Variants in PPP2R2B observed in about 807,000 individuals in gnomAD.
PPP2R2B encodes the protein serine/threonine-protein phosphatase 2A 55 kDa regulatory subunit B beta isoform.
A neutral mutation model predicts 46.0 loss-of-function variants in PPP2R2B; 5 were observed. The ratio of observed to expected loss-of-function variants is 0.11; its 90% CI spans 0.06 to 0.23. The LOEUF (loss-of-function observed/expected upper bound fraction) is 0.23. Among genes scored for constraint, PPP2R2B ranks in the 10% least tolerant of loss-of-function variants. PPP2R2B has a pLI of 1.00. For missense variants in PPP2R2B, 367 were observed against 575.0 expected (o/e 0.64, Z 3.70); for synonymous variants, 215 against 206.7 (o/e 1.04, Z -0.34).
At chr5:146,830,425 A>G (rs1352068235) in intron 2 of PPP2R2B, among the ~76,000 whole-genome samples, 1 of 152,166 alleles carries the variant, frequency 6.6e-6, no homozygotes, top group Non-Finnish European at 1.5e-5. Flanking sequence ...AGCCCAACCA[A>G]CAGTACCCGA....
intron 4 of PPP2R2B, among the ~76,000 whole-genome samples, chr5:146,695,821 T>C (rs1779143725): frequency 6.6e-6 from 1 of 152,194 alleles, no homozygotes; most frequent in East Asian, 1.9e-4. Context: ...TTGTCTTCCA[T>C]TAACTTTTGC....
At chr5:146,780,267 G>GAATT (rs1169372791) in intron 2 of PPP2R2B, among the ~76,000 whole-genome samples, 1 of 152,184 alleles carries the variant, frequency 6.6e-6, no homozygotes, top group Non-Finnish European at 1.5e-5. Context: ...ATGAGTCAAT[G>GAATT]AATTGATTGT....
chr5:146,714,961 A>G (rs1220787522), intron 2 of PPP2R2B, among the ~76,000 whole-genome samples: 3 of 152,112 alleles, frequency 2.0e-5, no homozygotes, highest in African/African-American at 7.2e-5. Context: ...CTATCTGCCT[A>G]CCAGGCAGAA....
chr5:146,706,788 C>T, intron 2 of PPP2R2B: 3 of 834,660 alleles, frequency 3.6e-6, no homozygotes, highest in Non-Finnish European at 6.3e-6. Flanking sequence ...CTCTCGGCCT[C>T]AGCCCGACTG....
chr5:146,972,743 A>T (rs1290441170), intron 1 of PPP2R2B, among the ~76,000 whole-genome samples: 1 of 152,000 alleles, frequency 6.6e-6, no homozygotes, highest in Non-Finnish European at 1.5e-5. Flanking sequence ...AAATAGGGAA[A>T]TCTTAGTGTA....
chr5:147,047,868 G>A (rs1756615095), intron 1 of PPP2R2B, among the ~76,000 whole-genome samples: 1 of 152,082 alleles, frequency 6.6e-6, no homozygotes, highest in Non-Finnish European at 1.5e-5. Flanking sequence ...TTCACCAAAA[G>A]TAACCTCTTT....
rs116147254 is a variant in PPP2R2B, at chr5:146,801,939, A to C, written c.70+76063T>G. 5.3e-3 allele frequency among the ~76,000 whole-genome samples: 812 copies of C among 152,340 alleles called. 9 individuals carry two copies. The highest frequency in any genetic ancestry group is 0.018 in the African/African-American group (764 of 41,578). On this transcript the variant is annotated intron_variant, in intron 2 of 9. Coordinates refer to ENST00000394411, the MANE Select transcript of PPP2R2B (RefSeq NM_181675.4). ...ACTTAACCATGCTGGAATGAAAGGG[A>C]GGAGCAGCTGCATGTGTCTGTCATT...
chr5:146,910,091 C>T (rs1763126760), intron 1 of PPP2R2B, among the ~76,000 whole-genome samples: 1 of 152,170 alleles, frequency 6.6e-6, no homozygotes, highest in South Asian at 2.1e-4. Flanking sequence ...GGGATGGATT[C>T]TACAACTTAT....
intron 2 of PPP2R2B, among the ~76,000 whole-genome samples, chr5:147,066,919 C>T (rs1757430377): frequency 6.6e-6 from 1 of 152,110 alleles, no homozygotes; most frequent in South Asian, 2.1e-4. Flanking sequence ...AAGACCACAC[C>T]AAGGCCCTTG....
intron 2 of PPP2R2B, among the ~76,000 whole-genome samples, chr5:146,795,453 G>C (rs980552617): frequency 1.3e-5 from 2 of 152,088 alleles, no homozygotes; most frequent in Non-Finnish European, 2.9e-5. Flanking sequence ...AATACTGCAT[G>C]ATCTCACTTA....
At chr5:146,778,440 T>A (rs1235743749) in intron 2 of PPP2R2B, among the ~76,000 whole-genome samples, 2 of 152,172 alleles carry the variant, frequency 1.3e-5, no homozygotes, top group East Asian at 3.9e-4. Context: ...TTTCCACACA[T>A]GCTGTCAACC....
intron 2 of PPP2R2B, among the ~76,000 whole-genome samples, chr5:146,723,170 ACTATATT>A (rs1751634629): frequency 6.6e-6 from 1 of 152,206 alleles, no homozygotes; most frequent in Admixed American, 6.5e-5. Context: ...GTTGGTTACC[ACTATATT>A]CCCAGTGTAT....
intron 2 of PPP2R2B, among the ~76,000 whole-genome samples, chr5:146,765,287 G>A (rs895445353): frequency 6.6e-6 from 1 of 152,194 alleles, no homozygotes; most frequent in African/African-American, 2.4e-5. Flanking sequence ...GGAAATCCAC[G>A]TCTAGGCAGT....
intron 2 of PPP2R2B, among the ~76,000 whole-genome samples, chr5:146,742,570 C>A (rs1752942421): frequency 6.6e-6 from 1 of 151,998 alleles, no homozygotes; most frequent in African/African-American, 2.4e-5. Context: ...TAATTCTCTG[C>A]AGGGTAGAGA....
At chr5:146,691,065 A>G in intron 5 of PPP2R2B, 63 bp downstream of exon 5, 1 of 1,443,350 alleles carries the variant, frequency 6.9e-7, no homozygotes, top group Non-Finnish European at 9.7e-7. Flanking sequence ...AACAACCAGC[A>G]CATGGCCAAC....
chr5:147,026,808 A>G lies in PPP2R2B; in HGVS notation c.79+28857T>C, dbSNP rs181815442. 3.0e-3 allele frequency among the ~76,000 whole-genome samples: 461 copies of G among 152,306 alleles called. 2 individuals carry two copies. Among genetic ancestry groups the G allele is most frequent in the Non-Finnish European group, 5.2e-3 (356 of 68,018 alleles). ...AGAGTGGCAATTGCAAATGTTGGCC[A>G]TTATGTGGAGCAACTGGAACTCTCA... is the stretch of plus-strand genomic sequence containing the variant. On this transcript the variant is annotated intron_variant, in intron 1 of 8. Coordinates refer to the PPP2R2B transcript ENST00000336640.
At chr5:146,681,553 A>C (rs1397343041) in intron 5 of PPP2R2B, among the ~76,000 whole-genome samples, 1 of 152,222 alleles carries the variant, frequency 6.6e-6, no homozygotes, top group Admixed American at 6.5e-5. Flanking sequence ...TTCAGAAAAT[A>C]AAAGTATTCT....
intron 2 of PPP2R2B, among the ~76,000 whole-genome samples, chr5:146,851,194 T>A (rs531505640): frequency 2.6e-5 from 4 of 152,294 alleles, no homozygotes; most frequent in Non-Finnish European, 4.4e-5. Context: ...ATCTGTTTAT[T>A]AAGTAATTTT....
chr5:146,703,561 T>A (rs1359902982), intron 2 of PPP2R2B, among the ~76,000 whole-genome samples: 1 of 152,170 alleles, frequency 6.6e-6, no homozygotes, highest in Non-Finnish European at 1.5e-5. Flanking sequence ...GAGAGTTAAG[T>A]AGCTTTTCCC....
Sources: gnomAD v4.1 joint callset for allele counts (sites outside exome capture counted in the v4.1 genomes callset) on GRCh38, gnomAD v4.1.1 for gene constraint, MANE v1.5 for transcripts, NCBI Gene and HGNC (gene_info 2026-07-23, HGNC 2026-07-21) for gene names.